The following CDC42BPG variants were observed in gnomAD, a reference collection of about 807,000 sequenced individuals.
CDC42BPG encodes the protein serine/threonine-protein kinase MRCK gamma.
A neutral mutation model predicts 192.2 loss-of-function variants in CDC42BPG; 157 were observed. That is an observed-to-expected ratio of 0.82 (90% CI 0.72 to 0.93). CDC42BPG has a LOEUF of 0.93. Ranked by LOEUF, CDC42BPG falls within the 40% of genes least tolerant of loss-of-function variation. CDC42BPG has a pLI of 0.00. For missense variants in CDC42BPG, 1,992 were observed against 2,122.1 expected, an observed-to-expected ratio of 0.94 and a Z score of 1.20; for synonymous variants, 981 against 918.5, an observed-to-expected ratio of 1.07 and a Z score of -1.23.
At chr11:64,831,905 G>A (rs1331171514) in intron 27 of CDC42BPG, among the ~76,000 whole-genome samples, 184 bp from the exon 28 acceptor site, 8 of 152,260 alleles carry the variant, frequency 5.3e-5, no homozygotes, top group Non-Finnish European at 1.2e-4. Flanking sequence ...GGGCAAGGAC[G>A]GGCCTAGTGG....
Position 64,824,404 on chromosome 11 carries a change from C to T in CDC42BPG, c.*69G>A. On this transcript the variant is annotated 3_prime_UTR_variant, in exon 37 of 37. Coordinates refer to ENST00000342711, the MANE Select transcript of CDC42BPG (RefSeq NM_017525.3). ...ATGTCCCGGACCAGCCGGAGTATGG[C>T]ATTCCTCAAGCTCTTTGCTCCCTCA... 2 of 1,078,578 alleles carry T rather than the reference C, an allele frequency of 1.9e-6. No individual in the cohort carries two copies. Among genetic ancestry groups the T allele is most frequent in the Non-Finnish European group, 2.9e-6 (2 of 689,390 alleles). 66.8% of individuals were successfully genotyped at this position (1,078,578 alleles called of 1,614,324 possible).
intron 13 of CDC42BPG, 69 bp from the exon 14 acceptor site, chr11:64,835,920 G>A (rs897589903): frequency 5.7e-5 from 83 of 1,451,420 alleles, no homozygotes; most frequent in Non-Finnish European, 7.4e-5. Flanking sequence ...ACCTTACCAT[G>A]GACTCCAGAC....
chr11:64,827,662 C>T (rs780421559), intron 31 of CDC42BPG, 24 bp downstream of exon 31: 8 of 1,607,120 alleles, frequency 5.0e-6, no homozygotes, highest in African/African-American at 2.7e-5. Flanking sequence ...CCGGCGCTAC[C>T]CCAGGGCTCT....
At chr11:64,838,048 G>T in intron 9 of CDC42BPG, 35 bp downstream of exon 9, 1 of 1,535,470 alleles carries the variant, frequency 6.5e-7, no homozygotes, top group South Asian at 1.2e-5. Flanking sequence ...AGGCAACCCC[G>T]AGCCTCCCAC....
rs1477443467 is a variant in CDC42BPG at position 64,834,574 on chromosome 11, G to A, written c.2179C>T (p.His727Tyr). The A allele has an allele frequency of 3.2e-6, 5 of 1,558,210 alleles. No individual in the cohort carries two copies. The Middle Eastern group carries it at 6.9e-4, about 214-fold the overall frequency. The change falls in exon 19 of 37, where the codon CAC (histidine) becomes TAC (tyrosine). Residue 727 changes from histidine (H) to tyrosine (Y), a missense_variant. Physicochemically the swap from His to Tyr is moderately conservative, Grantham distance 83. Transcript: ENST00000342711. Reference sequence around the variant, plus strand: ...TGCAGTCGCCGCGCCTTCCACTGGTGGTCCTGGTGGCCACGGAGCACCCGT... The same window carrying A: ...TGCAGTCGCCGCGCCTTCCACTGGTAGTCCTGGTGGCCACGGAGCACCCGT... ...TQTLPARPLD[H>Y]QWKARRLQKM...
chr11:64,834,296 GCA>G lies in CDC42BPG; in HGVS notation c.2381_2382del (p.Leu794ProfsTer81). On this transcript the variant is annotated frameshift_variant, in exon 20 of 37. Transcript: ENST00000342711. LOFTEE classifies it high-confidence loss of function. ...GGCCCTCGGGCCCGCAGCTCCTCCC[GCA>G]GCATGGCGAGCTCCTGTTGCAGGGC... The part of the protein sequence containing the change: ...SQALQQELAM[L>X]REELRARGPV... 1 of 1,578,856 alleles carries G rather than the reference GCA, an allele frequency of 6.3e-7. No homozygotes were observed. Among genetic ancestry groups the G allele is most frequent in the Non-Finnish European group, 8.6e-7 (1 of 1,167,502 alleles).
At position 64,838,114 on chromosome 11, in the gene CDC42BPG, G is replaced by C. The variant is rs770970496; in HGVS notation, c.1174C>G (p.Pro392Ala). The C allele has an allele frequency of 1.2e-5, 18 of 1,553,294 alleles. No homozygotes were observed. The South Asian group carries it at 2.0e-4, about 17-fold the overall frequency. The change falls in exon 9 of 37, where the codon CCA becomes GCA. Residue 392 changes from proline to alanine, a missense_variant. Transcript: ENST00000342711. ...GAGGTGTAGGTGAAGCCCACGAATG[G>C]CAGGTGATGGCCGGAGAAGGCCCCG... ...SHGAFSGHHL[P>A]FVGFTYTSGS...
chr11:64,830,264 A>G lies in CDC42BPG; in HGVS notation c.3305-8T>C. 6.3e-7 allele frequency: 1 copy of G among 1,599,666 alleles called. No individual in the cohort carries two copies. Among genetic ancestry groups the G allele is most frequent in the Non-Finnish European group, 8.5e-7 (1 of 1,173,166 alleles). ...GCGCAAGTCGATCCTGGTCTGGTAG[A>G]GGGAGGCAGAGGGTCAGAGGTCAGC... On this transcript the variant is annotated splice_polypyrimidine_tract_variant and splice_region_variant and intron_variant, in intron 28 of 36. Transcript: ENST00000342711.
At position 64,840,553 on chromosome 11, in the gene CDC42BPG, C is replaced by T. The variant is rs1376623301; in HGVS notation, c.432G>A (p.Leu144=). 1 of 1,613,696 alleles carries T rather than the reference C, an allele frequency of 6.2e-7. No individual in the cohort carries two copies. Among genetic ancestry groups the T allele is most frequent in the African/African-American group, 1.3e-5 (1 of 74,946 alleles). ...CTCCAGCCCCGCCACGTATCCTCAC[C>T]AGGTACTCCTCGTCTTGGAAGGCAT... ...LHYAFQDEEY[L]YLVMDYYAGG... is the part of the protein sequence containing the mutation. Residue 144 remains leucine (L), a splice_region_variant and synonymous_variant, in exon 4 of 37, where the codon CTG becomes CTA. Coordinates refer to ENST00000342711, the MANE Select transcript of CDC42BPG (RefSeq NM_017525.3).
Position 64,838,182 on chromosome 11 carries a change from G to A in CDC42BPG, c.1126-20C>T, listed in dbSNP as rs1349093355. Reference sequence around the variant, plus strand: ...GGTCCCCTGCAGAGGGAGAGGGAAGGAGAGTCAGAGTCCACAGGCCAAGGC... The same window carrying A: ...GGTCCCCTGCAGAGGGAGAGGGAAGAAGAGTCAGAGTCCACAGGCCAAGGC... On this transcript the variant is annotated intron_variant, in intron 8 of 36. Coordinates refer to ENST00000342711, the MANE Select transcript of CDC42BPG (RefSeq NM_017525.3). 1 of 1,544,536 alleles carries A rather than the reference G, an allele frequency of 6.5e-7. No homozygotes were observed. The highest frequency in any genetic ancestry group is 1.2e-5 in the South Asian group (1 of 83,678).
chr11:64,831,724 G>C lies in CDC42BPG; in HGVS notation c.3088-3C>G. ...ACTGCCAGCTGGGAGGTTGTCACCTGTGGGCAAGGACCCCAGCTGGAGGGC... is the reference window on the plus strand; with the variant it reads ...ACTGCCAGCTGGGAGGTTGTCACCTCTGGGCAAGGACCCCAGCTGGAGGGC... On this transcript the variant is annotated splice_region_variant and splice_polypyrimidine_tract_variant and intron_variant, in intron 27 of 36. Transcript: ENST00000342711. 1 of 1,587,710 alleles carries C rather than the reference G, an allele frequency of 6.3e-7. No homozygotes were observed. The highest frequency in any genetic ancestry group is 1.1e-5 in the South Asian group (1 of 88,554).
chr11:64,832,554 T>C, intron 26 of CDC42BPG, 45 bp from the exon 27 acceptor site: 1 of 1,613,930 alleles, frequency 6.2e-7, no homozygotes, highest in Non-Finnish European at 8.5e-7. Context: ...TGTCCCTGAC[T>C]GCCCCCCTTA....
Position 64,836,722 on chromosome 11 carries a change from G to GGGGGGGGGGGA in CDC42BPG, c.1384+16_1384+17insTCCCCCCCCCC. On this transcript the variant is annotated intron_variant, in intron 11 of 36. Coordinates refer to ENST00000342711, the MANE Select transcript of CDC42BPG (RefSeq NM_017525.3). ...ACTCAGCCCTGGGGGGGGGGGGGGG[G>GGGGGGGGGGGA]TGGGCGGAAGGGATACCTGGCAGCC... 1.2e-6 allele frequency: 1 copy of GGGGGGGGGGGA among 859,756 alleles called. No homozygotes were observed. The highest frequency in any genetic ancestry group is 1.6e-6 in the Non-Finnish European group (1 of 608,368). The allele number at this position is 859,756 out of a possible 1,614,324, so 53.3% of individuals were successfully genotyped here.
rs753192683 is a variant in CDC42BPG at position 64,827,216 on chromosome 11, C to T, written c.4272-49G>A. Reference sequence around the variant, plus strand: ...GGGTGGCGAAGCTCCACCCTCCCTTCGACCCGTCCACAAGCGGAGGCGGCC... The same window carrying T: ...GGGTGGCGAAGCTCCACCCTCCCTTTGACCCGTCCACAAGCGGAGGCGGCC... On this transcript the variant is annotated intron_variant, in intron 33 of 36. Coordinates refer to ENST00000342711, the MANE Select transcript of CDC42BPG (RefSeq NM_017525.3). The T allele has an allele frequency of 6.8e-6, 11 of 1,613,510 alleles. No individual in the cohort carries two copies. The Admixed American group carries it at 1.5e-4, about 22-fold the overall frequency.
At position 64,836,490 on chromosome 11, in the gene CDC42BPG, C is replaced by A. The variant is rs768338418; in HGVS notation, c.1425G>T (p.Gly475=). 24 of 1,613,420 alleles carry A rather than the reference C, an allele frequency of 1.5e-5. No homozygotes were observed. Among genetic ancestry groups the A allele is most frequent in the African/African-American group, 6.7e-5 (5 of 74,896 alleles). The change falls in exon 12 of 37, where the codon GGG becomes GGT. Residue 475 remains glycine (G), a synonymous_variant. Coordinates refer to ENST00000342711, the MANE Select transcript of CDC42BPG (RefSeq NM_017525.3). The part of the protein sequence containing the change: ...RDKASLSQTD[G]PPAGSPGQDS... ...CCTGACCTGGGCTACCAGCTGGGGG[C>A]CCATCCGTCTGGGACAATGAGGCCT...
In CDC42BPG at chr11:64,836,453, G is replaced by A. The variant is rs145169186; in HGVS notation, c.1462C>T (p.Arg488Trp). Reference protein sequence around the residue: ...AGSPGQDSDLRQELDRLHREL... With the variant: ...AGSPGQDSDLWQELDRLHREL... ...CGGTGAAGTCGGTCAAGCTCCTGCC[G>A]TAGGTCACTGTCCTGACCTGGGCTA... The change falls in exon 12 of 37, where the codon CGG becomes TGG. Residue 488 changes from arginine to tryptophan, a missense_variant. Around this residue, in one of 2 missense-constraint regions of CDC42BPG, gnomAD observed 1,656 missense variants for 1,844.3 expected, o/e 0.90. Coordinates refer to ENST00000342711, the MANE Select transcript of CDC42BPG (RefSeq NM_017525.3). 33 of 1,613,344 alleles carry A rather than the reference G, an allele frequency of 2.0e-5. No individual in the cohort carries two copies. The African/African-American group carries it at 2.1e-4, about 10-fold the overall frequency.
At chr11:64,837,698 G>A (rs1187189071) in intron 9 of CDC42BPG, among the ~76,000 whole-genome samples, 1 of 152,118 alleles carries the variant, frequency 6.6e-6, no homozygotes, top group Non-Finnish European at 1.5e-5. Context: ...CTGACCTCAG[G>A]CGATCCACCC....
rs144502189 is a variant in CDC42BPG, at chr11:64,835,417, G to A, written c.1883C>T (p.Pro628Leu). 19 of 1,613,532 alleles carry A rather than the reference G, an allele frequency of 1.2e-5. No homozygotes were observed. In the South Asian group the frequency reaches 1.8e-4, roughly 15 times the overall value. ...EQLEQAHSHR[P>L]SGKEEALCQL... ...GCACAGAGCCTCCTCCTTACCACTC[G>A]GCCTGGGGAGGAGAAGGCCAAGGCC... Residue 628 changes from proline to leucine, a missense_variant and splice_region_variant, in exon 16 of 37, where the codon CCG becomes CTG. By Grantham distance (98) the Pro-to-Leu change is moderately conservative (BLOSUM62 -3). Transcript: ENST00000342711.
chr11:64,840,522 G>T, intron 4 of CDC42BPG, 31 bp downstream of exon 4: 1 of 1,602,036 alleles, frequency 6.2e-7, no homozygotes, highest in Non-Finnish European at 8.6e-7. Context: ...TCCCTAGGAT[G>T]TTCCCCTCCA....
Sources: allele counts gnomAD v4.1 joint callset (sites outside exome capture counted in the v4.1 genomes callset), GRCh38; gene constraint gnomAD v4.1.1; regional missense constraint gnomAD v4.1.1; transcripts MANE v1.5; gene names NCBI Gene and HGNC (gene_info 2026-07-23, HGNC 2026-07-21).